The following ASAP2 variants were observed in gnomAD, a reference collection of about 807,000 sequenced individuals.
ASAP2 encodes the protein arf-GAP with SH3 domain, ANK repeat and PH domain-containing protein 2.
A neutral mutation model predicts 131.4 loss-of-function variants in ASAP2; 45 were observed. The observed-to-expected ratio is 0.34, with a 90% CI of 0.27 to 0.44. The LOEUF is 0.44. Among genes scored for constraint, ASAP2 ranks in the 20% least tolerant of loss-of-function variants. ASAP2 has a pLI of 1.00. For missense variants in ASAP2, 1,011 were observed against 1,297.0 expected (o/e 0.78, Z 3.39); for synonymous variants, 510 against 503.0 (o/e 1.01, Z -0.19).
intron 1 of ASAP2, among the ~76,000 whole-genome samples, chr2:9,245,746 G>C (rs55762500): frequency 0.038 from 5,849 of 152,208 alleles, 155 homozygotes; most frequent in Non-Finnish European, 0.06. Context: ...GTCTGACGCT[G>C]TGTGCCATGC....
At chr2:9,286,447 A>AAATATATATATATATATAT (rs58605449) in intron 2 of ASAP2, among the ~76,000 whole-genome samples, 39 of 148,488 alleles carry the variant, frequency 2.6e-4, no homozygotes, top group African/African-American at 9.3e-4. Flanking sequence ...GAAAAAAAAA[A>AAATATATATATATATATAT]ATATATATAT....
intron 1 of ASAP2, among the ~76,000 whole-genome samples, chr2:9,254,353 C>T (rs1172010213): frequency 6.7e-5 from 7 of 103,960 alleles, no homozygotes; most frequent in South Asian, 6.5e-4. Context: ...ATAAACTAAA[C>T]TTTTTTTTTT....
At chr2:9,299,410 C>T (rs1231932982) in intron 3 of ASAP2, among the ~76,000 whole-genome samples, 1 of 151,988 alleles carries the variant, frequency 6.6e-6, no homozygotes, top group Admixed American at 6.6e-5. Flanking sequence ...CAATCAAAGA[C>T]GAGAGTAGAA....
At chr2:9,279,219 C>A (rs1299308331) in intron 1 of ASAP2, 98 bp from the exon 2 acceptor site, 1 of 1,150,884 alleles carries the variant, frequency 8.7e-7, no homozygotes, top group Non-Finnish European at 1.3e-6. Flanking sequence ...TGCCTAGGGA[C>A]CTGGCAGAGG....
At chr2:9,210,996 A>T (rs1040263464) in intron 1 of ASAP2, among the ~76,000 whole-genome samples, 2 of 152,074 alleles carry the variant, frequency 1.3e-5, no homozygotes, top group Non-Finnish European at 2.9e-5. Flanking sequence ...TCTCTACTAA[A>T]AATACAAAAT....
chr2:9,377,008 AT>A lies in ASAP2; in HGVS notation c.1832+17del. 1 of 1,602,946 alleles carries A rather than the reference AT, an allele frequency of 6.2e-7. No individual in the cohort carries two copies. Among genetic ancestry groups the A allele is most frequent in the African/African-American group, 1.3e-5 (1 of 74,778 alleles). On this transcript the variant is annotated intron_variant, in intron 18 of 27. Coordinates refer to ENST00000281419, the MANE Select transcript of ASAP2 (RefSeq NM_003887.3). ...GTTCAGAACAGGTAGGTGTTCTGAAATTAAGGGAGGCACTCGTTTTCTCCTT... is the reference window on the plus strand; with the variant it reads ...GTTCAGAACAGGTAGGTGTTCTGAAATAAGGGAGGCACTCGTTTTCTCCTT...
chr2:9,244,253 G>C (rs550089020), intron 1 of ASAP2, among the ~76,000 whole-genome samples: 3 of 152,232 alleles, frequency 2.0e-5, no homozygotes, highest in Non-Finnish European at 4.4e-5. Flanking sequence ...CCAAGATCGC[G>C]CCACTGCACT....
intron 3 of ASAP2, among the ~76,000 whole-genome samples, chr2:9,299,981 A>C (rs1668381012): frequency 6.6e-6 from 1 of 152,196 alleles, no homozygotes. Flanking sequence ...GTGTCATCCC[A>C]GCACTTTGGG....
intron 1 of ASAP2, among the ~76,000 whole-genome samples, chr2:9,256,982 G>A (rs1294396891): frequency 6.6e-6 from 1 of 152,214 alleles, no homozygotes; most frequent in Non-Finnish European, 1.5e-5. Context: ...CAAGTCCTTG[G>A]CTGGAGTGCC....
chr2:9,309,137 A>G (rs1669132720), intron 3 of ASAP2, among the ~76,000 whole-genome samples: 1 of 152,164 alleles, frequency 6.6e-6, no homozygotes, highest in Non-Finnish European at 1.5e-5. Context: ...CCTTTCTGAC[A>G]CTATTTGAAA....
intron 1 of ASAP2, among the ~76,000 whole-genome samples, chr2:9,270,169 C>T (rs974292406): frequency 6.6e-6 from 1 of 152,190 alleles, no homozygotes; most frequent in African/African-American, 2.4e-5. Context: ...GAGGTCTGGC[C>T]AGGCGGCAGC....
chr2:9,236,396 T>C (rs1663553460), intron 1 of ASAP2, among the ~76,000 whole-genome samples: 1 of 152,198 alleles, frequency 6.6e-6, no homozygotes, highest in African/African-American at 2.4e-5. Flanking sequence ...TTCTTATCCT[T>C]GCCTGTATTA....
chr2:9,317,646 T>G (rs1334937988), intron 3 of ASAP2, among the ~76,000 whole-genome samples: 2 of 141,314 alleles, frequency 1.4e-5, no homozygotes, highest in African/African-American at 5.4e-5. Flanking sequence ...ATACACACAT[T>G]TACACACTTA....
intron 15 of ASAP2, among the ~76,000 whole-genome samples, chr2:9,359,572 C>T (rs1265126761): frequency 1.3e-5 from 2 of 152,178 alleles, no homozygotes; most frequent in African/African-American, 4.8e-5. Flanking sequence ...GAATTCTCTC[C>T]TGGGATAGCT....
In ASAP2 at chr2:9,206,984, T is replaced by C. The variant is rs1242360455; in HGVS notation, c.-121T>C. The C allele has an allele frequency of 1.0e-6, 1 of 964,852 alleles. No homozygotes were observed. Among genetic ancestry groups the C allele is most frequent in the African/African-American group, 1.8e-5 (1 of 56,216 alleles). 59.8% of individuals were successfully genotyped at this position (964,852 alleles called of 1,614,324 possible). ...GCGGCTCCCGCGCCCGGCGCTCCCC[T>C]TTGTCCGCGGGCCGGAGCGGCGGCG... On this transcript the variant is annotated 5_prime_UTR_variant, in exon 1 of 28. Transcript: ENST00000281419. The surrounding 1 kb of genome is among the most constrained non-coding windows in gnomAD (Gnocchi z 4.0).
At chr2:9,226,395 A>G (rs1662771273) in intron 1 of ASAP2, among the ~76,000 whole-genome samples, 2 of 152,212 alleles carry the variant, frequency 1.3e-5, no homozygotes. Flanking sequence ...GAGGCCATGC[A>G]GAACTCGGCA....
intron 15 of ASAP2, among the ~76,000 whole-genome samples, chr2:9,361,655 C>T (rs1240491368): frequency 6.6e-6 from 1 of 152,062 alleles, no homozygotes; most frequent in Non-Finnish European, 1.5e-5. Context: ...GCAACCTCTG[C>T]CTCCTGGGTT....
chr2:9,318,703 C>CG (rs1420131459), intron 4 of ASAP2, 105 bp downstream of exon 4: 2 of 670,706 alleles, frequency 3.0e-6, no homozygotes, highest in Non-Finnish European at 5.1e-6. Flanking sequence ...CTCATTGGGA[C>CG]GATAGGATGG....
At chr2:9,358,644 A>G in intron 14 of ASAP2, 112 bp from the exon 15 acceptor site, 2 of 1,349,190 alleles carry the variant, frequency 1.5e-6, no homozygotes, top group Non-Finnish European at 2.0e-6. Flanking sequence ...GTTAAGGATC[A>G]GAAAATGCTC....
Sources: gnomAD v4.1 joint callset for allele counts (sites outside exome capture counted in the v4.1 genomes callset) on GRCh38, gnomAD v4.1.1 for gene constraint, Gnocchi (gnomAD v3.1) non-coding constraint, MANE v1.5 for transcripts, NCBI Gene and HGNC (gene_info 2026-07-23, HGNC 2026-07-21) for gene names.